The following TRABD2B variants were observed in gnomAD, a reference collection of about 807,000 sequenced individuals.
The protein encoded by TRABD2B is TraB domain containing 2B.
TRABD2B carries 14 observed loss-of-function variants against 40.1 expected under a neutral mutation model. The ratio of observed to expected loss-of-function variants is 0.35; its 90% CI spans 0.23 to 0.55. TRABD2B has a LOEUF of 0.55. Among genes scored for constraint, TRABD2B ranks in the 20% least tolerant of loss-of-function variants. TRABD2B has a pLI of 0.90. For missense variants in TRABD2B, 541 were observed against 648.6 expected (o/e 0.83, Z 1.80); for synonymous variants, 263 against 277.0 (o/e 0.95, Z 0.50).
At position 47,775,388 on chromosome 1, in the gene TRABD2B, C is replaced by T. The variant is rs1179976884; in HGVS notation, c.1131G>A (p.Pro377=). The change falls in exon 6 of 7, where the codon CCG becomes CCA. Residue 377 remains proline, a synonymous_variant. Transcript: ENST00000606738. ...APSPEGTSTS[P]APVTPAAAVP... is the part of the protein sequence containing the mutation. ...CAGCGGCAGCTGGGGTCACTGGGGC[C>T]GGGCTCGTCGAGGTCCCCTCAGGAG... 26 of 1,236,712 alleles carry T rather than the reference C, an allele frequency of 2.1e-5. No individual in the cohort carries two copies. Among genetic ancestry groups the T allele is most frequent in the South Asian group, 2.0e-4 (5 of 25,460 alleles). The allele number at this position is 1,236,712 out of a possible 1,614,324, so 76.6% of individuals were successfully genotyped here. A position where few individuals can be genotyped will look rare whatever the true frequency, so the allele number is the denominator to read the frequency against.
chr1:47,809,587 A>G (rs1281349663), intron 2 of TRABD2B, among the ~76,000 whole-genome samples: 2 of 152,152 alleles, frequency 1.3e-5, no homozygotes, highest in Admixed American at 1.3e-4. Flanking sequence ...ACATTTCTTC[A>G]AAGGTTAGAG....
At chr1:47,880,223 G>A (rs1644283219) in intron 2 of TRABD2B, among the ~76,000 whole-genome samples, 3 of 152,318 alleles carry the variant, frequency 2.0e-5, no homozygotes, top group South Asian at 4.2e-4. Context: ...GGCTGAGGCA[G>A]GAGAATTGCT....
Position 47,993,953 on chromosome 1 carries a change from C to A in TRABD2B, c.666+81G>T, listed in dbSNP as rs911809719. ...CTGACTCTGGCTGCCTCCCCCTCCCCCTCGGAGAAGAAAGACAATCAGAGA... is the reference window on the plus strand; with the variant it reads ...CTGACTCTGGCTGCCTCCCCCTCCCACTCGGAGAAGAAAGACAATCAGAGA... On this transcript the variant is annotated intron_variant, in intron 2 of 6. Transcript: ENST00000606738. The A allele has an allele frequency of 2.9e-6, 4 of 1,389,888 alleles. No individual in the cohort carries two copies. In the South Asian group the frequency reaches 5.8e-5, roughly 20 times the overall value. The allele number at this position is 1,389,888 out of a possible 1,614,324, so 86.1% of individuals were successfully genotyped here. A position where few individuals can be genotyped will look rare whatever the true frequency, so the allele number is the denominator to read the frequency against.
At chr1:47,925,325 G>T (rs1349759400) in intron 2 of TRABD2B, among the ~76,000 whole-genome samples, 3 of 151,820 alleles carry the variant, frequency 2.0e-5, no homozygotes, top group Non-Finnish European at 4.4e-5. Flanking sequence ...AAGTATTAAG[G>T]AATTAAATTG....
chr1:47,909,692 A>C (rs1644731347), intron 2 of TRABD2B, among the ~76,000 whole-genome samples: 1 of 149,876 alleles, frequency 6.7e-6, no homozygotes, highest in Non-Finnish European at 1.5e-5. Flanking sequence ...GACATTCATG[A>C]AGGATCCGCC....
intron 2 of TRABD2B, among the ~76,000 whole-genome samples, chr1:47,811,396 G>A (rs1300213963): frequency 6.6e-6 from 1 of 152,182 alleles, no homozygotes; most frequent in African/African-American, 2.4e-5. Flanking sequence ...TGGGCTGGCT[G>A]AGCTCTCAGT....
intron 2 of TRABD2B, among the ~76,000 whole-genome samples, chr1:47,868,921 G>C (rs768847344): frequency 6.6e-6 from 1 of 152,176 alleles, no homozygotes; most frequent in African/African-American, 2.4e-5. Context: ...GTAAACTGGA[G>C]ACTCTTCATC....
intron 2 of TRABD2B, among the ~76,000 whole-genome samples, chr1:47,957,397 A>G (rs552468169): frequency 1.3e-5 from 2 of 152,364 alleles, no homozygotes; most frequent in South Asian, 4.1e-4. Context: ...TCAGATGATC[A>G]GTAATAACAA....
At chr1:47,923,964 ACACAC>A (rs1644938270) in intron 2 of TRABD2B, among the ~76,000 whole-genome samples, 1 of 102,738 alleles carries the variant, frequency 9.7e-6, no homozygotes, top group South Asian at 3.4e-4. Context: ...ACACACACAC[ACACAC>A]ATCCTATTAG....
At chr1:47,773,246 G>A (rs745996778) in intron 6 of TRABD2B, among the ~76,000 whole-genome samples, 6 of 152,210 alleles carry the variant, frequency 3.9e-5, no homozygotes, top group Admixed American at 6.5e-5. Context: ...AGCCTCCCTG[G>A]CAGCTTGCAA....
At chr1:47,832,009 T>C (rs1246333481) in intron 2 of TRABD2B, among the ~76,000 whole-genome samples, 5 of 152,196 alleles carry the variant, frequency 3.3e-5, no homozygotes, top group Non-Finnish European at 7.3e-5. Context: ...GGTGTCTGCC[T>C]GTCCTGGAGT....
At chr1:47,845,779 T>C (rs555904475) in intron 2 of TRABD2B, among the ~76,000 whole-genome samples, 3 of 152,356 alleles carry the variant, frequency 2.0e-5, no homozygotes, top group African/African-American at 7.2e-5. Context: ...ATAAGGAATG[T>C]ATTTTTATAA....
intron 2 of TRABD2B, among the ~76,000 whole-genome samples, chr1:47,907,694 G>A (rs1644697577): frequency 6.6e-6 from 1 of 152,192 alleles, no homozygotes; most frequent in African/African-American, 2.4e-5. Context: ...AGGATCCCAG[G>A]TCGCTGGAGG....
At chr1:47,875,065 G>A (rs757039771) in intron 2 of TRABD2B, among the ~76,000 whole-genome samples, 17 of 151,994 alleles carry the variant, frequency 1.1e-4, no homozygotes, top group Non-Finnish European at 1.9e-4. Context: ...TTTCACCCAG[G>A]ACTCTATATG....
intron 6 of TRABD2B, among the ~76,000 whole-genome samples, chr1:47,770,127 G>C (rs1324488814): frequency 6.6e-6 from 1 of 152,150 alleles, no homozygotes; most frequent in Non-Finnish European, 1.5e-5. Context: ...AGGGGCTGGT[G>C]GGCTGTACCC....
intron 4 of TRABD2B, among the ~76,000 whole-genome samples, chr1:47,787,271 G>C (rs1381803462): frequency 6.6e-6 from 1 of 152,140 alleles, no homozygotes; most frequent in Non-Finnish European, 1.5e-5. Context: ...TTCAGTGCCA[G>C]TCACTCAAAC....
chr1:47,909,806 C>CCCTCCCTCCCTCCCTT (rs1416431390), intron 2 of TRABD2B, among the ~76,000 whole-genome samples: 1 of 19,794 alleles, frequency 5.1e-5, no homozygotes, highest in African/African-American at 2.4e-4. Context: ...CCCCCTTCCT[C>CCCTCCCTCCCTCCCTT]CCTTCCTTCC....
At chr1:47,943,286 T>TC (rs1363901844) in intron 2 of TRABD2B, among the ~76,000 whole-genome samples, 1 of 152,208 alleles carries the variant, frequency 6.6e-6, no homozygotes, top group South Asian at 2.1e-4. Context: ...ATGCCAATGT[T>TC]CCCCCACAGG....
chr1:47,885,307 T>A (rs1036709706), intron 2 of TRABD2B, among the ~76,000 whole-genome samples: 8 of 152,124 alleles, frequency 5.3e-5, no homozygotes, highest in African/African-American at 1.7e-4. Flanking sequence ...CCTCGCTGAC[T>A]CCCAGGCCAG....
Sources: gnomAD v4.1 joint callset for allele counts (sites outside exome capture counted in the v4.1 genomes callset) on GRCh38, gnomAD v4.1.1 for gene constraint, MANE v1.5 for transcripts, NCBI Gene and HGNC (gene_info 2026-07-23, HGNC 2026-07-21) for gene names.